The following COBL variants were observed in gnomAD, a reference collection of about 807,000 sequenced individuals.
COBL encodes protein cordon-bleu.
Under a neutral mutation model 98.8 loss-of-function variants are expected in COBL, and 51 were observed. That is an observed-to-expected ratio of 0.52 (90% CI 0.41 to 0.65). The LOEUF is 0.65. Among genes scored for constraint, COBL ranks in the 30% least tolerant of loss-of-function variants. The pLI is 0.00. For missense variants in COBL, 1,617 were observed against 1,617.5 expected, an observed-to-expected ratio of 1.00 and a Z score of 0.01; for synonymous variants, 634 against 651.7, an observed-to-expected ratio of 0.97 and a Z score of 0.41.
chr7:51,153,052 A>G (rs1785725139), intron 5 of COBL, among the ~76,000 whole-genome samples: 1 of 152,230 alleles, frequency 6.6e-6, no homozygotes, highest in South Asian at 2.1e-4. Context: ...TCGTAAGGTT[A>G]AATTCATACA....
At chr7:51,193,642 T>C in intron 2 of COBL, 53 bp from the exon 3 acceptor site, 2 of 1,525,040 alleles carry the variant, frequency 1.3e-6, no homozygotes, top group Non-Finnish European at 1.8e-6. Context: ...ACTCTCTCTT[T>C]TGCCTGGCTA....
chr7:51,106,167 G>A (rs1380119287), intron 6 of COBL, among the ~76,000 whole-genome samples: 1 of 135,608 alleles, frequency 7.4e-6, no homozygotes, highest in Non-Finnish European at 1.5e-5. Flanking sequence ...TCGTGCCATC[G>A]CACTCCAGCC....
At position 51,236,873 on chromosome 7, in the gene COBL, C is replaced by T. The variant is rs528372443; in HGVS notation, c.42-16929G>A. Reference sequence around the variant, plus strand: ...AACCCACCTCTGCCCTGTCTCCATCCTCCACTGCCCTCCCTCTGTAGCAGG... The same window carrying T: ...AACCCACCTCTGCCCTGTCTCCATCTTCCACTGCCCTCCCTCTGTAGCAGG... On this transcript the variant is annotated intron_variant, in intron 1 of 12. Transcript: ENST00000265136. 3.9e-5 allele frequency among the ~76,000 whole-genome samples: 6 copies of T among 152,340 alleles called. No individual in the cohort carries two copies. The South Asian group carries it at 1.2e-3, about 32-fold the overall frequency.
intron 1 of COBL, among the ~76,000 whole-genome samples, chr7:51,284,917 T>G (rs1448771153): frequency 6.6e-6 from 1 of 151,552 alleles, no homozygotes; most frequent in Non-Finnish European, 1.5e-5. Context: ...AGGAACAAGG[T>G]AAGAGTGTGT....
At chr7:51,186,870 A>G (rs1401811428) in intron 4 of COBL, among the ~76,000 whole-genome samples, 1 of 152,184 alleles carries the variant, frequency 6.6e-6, no homozygotes, top group Non-Finnish European at 1.5e-5. Context: ...AAATTTCCAG[A>G]GGCTGCCCAG....
chr7:51,178,044 G>C (rs1354132898), intron 5 of COBL, among the ~76,000 whole-genome samples: 2 of 152,042 alleles, frequency 1.3e-5, no homozygotes, highest in African/African-American at 4.8e-5. Context: ...TACTGCGGAG[G>C]CTGGAGCAGG....
At chr7:51,207,331 A>G (rs1791835745) in intron 2 of COBL, among the ~76,000 whole-genome samples, 1 of 152,106 alleles carries the variant, frequency 6.6e-6, no homozygotes, top group Admixed American at 6.6e-5. Context: ...TAGTGGGTAC[A>G]ATGTGTTACT....
intron 1 of COBL, among the ~76,000 whole-genome samples, chr7:51,307,420 C>A (rs1185855652): frequency 6.6e-6 from 1 of 152,078 alleles, no homozygotes; most frequent in Non-Finnish European, 1.5e-5. Flanking sequence ...CATCAGAGGG[C>A]CCTGATGGGA....
At chr7:51,257,412 C>G (rs1797291841) in intron 1 of COBL, among the ~76,000 whole-genome samples, 1 of 152,076 alleles carries the variant, frequency 6.6e-6, no homozygotes, top group Non-Finnish European at 1.5e-5. Flanking sequence ...GATAGCATAT[C>G]TAAAGAAAGT....
At chr7:51,311,721 G>A (rs1191605029) in intron 1 of COBL, among the ~76,000 whole-genome samples, 1 of 151,872 alleles carries the variant, frequency 6.6e-6, no homozygotes, top group East Asian at 1.9e-4. Flanking sequence ...ATAAAATGGG[G>A]GAGATGGAAA....
In COBL at chr7:51,177,448, G is replaced by A. The variant is rs140815259; in HGVS notation, c.783+6654C>T. Among the ~76,000 whole-genome samples, 3 of 152,208 alleles carry A rather than the reference G, an allele frequency of 2.0e-5. No homozygotes were observed. The East Asian group carries it at 5.8e-4, about 29-fold the overall frequency. On this transcript the variant is annotated intron_variant, in intron 5 of 12. Coordinates refer to ENST00000265136, the MANE Select transcript of COBL (RefSeq NM_015198.5). ...AAGAGAAACAATTTGTATCCAAAGA[G>A]CACAAGAAAAGTAAAATGCATTTTT...
Position 51,175,947 on chromosome 7 carries a change from C to T in COBL, c.783+8155G>A, listed in dbSNP as rs10224901. ...CGTTTTCCTGCCTTTTGGCACTACC[C>T]CCACGGGCAGCTTTTGTTTTCCTGT... On this transcript the variant is annotated intron_variant, in intron 5 of 12. Coordinates refer to ENST00000265136, the MANE Select transcript of COBL (RefSeq NM_015198.5). Among the ~76,000 whole-genome samples the T allele has an allele frequency of 9.6e-3, 1,464 of 152,294 alleles. 20 individuals are homozygous for T. Among genetic ancestry groups the T allele is most frequent in the African/African-American group, 0.033 (1,383 of 41,568 alleles).
chr7:51,018,641 C>T (rs887605671), intron 12 of COBL, among the ~76,000 whole-genome samples: 1 of 151,612 alleles, frequency 6.6e-6, no homozygotes, highest in Non-Finnish European at 1.5e-5. Context: ...ACCTGAAATC[C>T]CAGCACTTTG....
intron 7 of COBL, among the ~76,000 whole-genome samples, chr7:51,066,394 G>T (rs1437283890): frequency 1.3e-5 from 2 of 152,144 alleles, no homozygotes; most frequent in Admixed American, 1.3e-4. Flanking sequence ...ATATGAGCAG[G>T]GTTAGAGCCT....
chr7:51,035,175 A>G (rs1431275866), intron 8 of COBL: 1 of 152,214 alleles, frequency 6.6e-6, no homozygotes, highest in Non-Finnish European at 1.5e-5. Context: ...AGCCTCCAGC[A>G]AAAACGAGAA....
chr7:51,200,089 T>C (rs548322837), intron 2 of COBL, among the ~76,000 whole-genome samples: 4 of 152,240 alleles, frequency 2.6e-5, no homozygotes, highest in African/African-American at 7.2e-5. Context: ...AGCAGAAACC[T>C]TGCAGGCCAG....
chr7:51,091,134 G>C (rs1435639132), intron 6 of COBL, among the ~76,000 whole-genome samples: 1 of 152,026 alleles, frequency 6.6e-6, no homozygotes, highest in African/African-American at 2.4e-5. Context: ...AAATAACAAG[G>C]TACATGAAGA....
chr7:51,072,011 T>C (rs1017582340), intron 7 of COBL: 2 of 152,222 alleles, frequency 1.3e-5, no homozygotes, highest in Non-Finnish European at 2.9e-5. Flanking sequence ...AAATTGGTTA[T>C]ATATAGCTTT....
At chr7:51,129,218 G>A (rs2128998880) in intron 6 of COBL, among the ~76,000 whole-genome samples, 1 of 152,172 alleles carries the variant, frequency 6.6e-6, no homozygotes, top group South Asian at 2.1e-4. Context: ...TCACAGTTCT[G>A]GAGGCTGAAG....
Sources: allele counts gnomAD v4.1 joint callset (sites outside exome capture counted in the v4.1 genomes callset), GRCh38; gene constraint gnomAD v4.1.1; transcripts MANE v1.5; gene names NCBI Gene and HGNC (gene_info 2026-07-23, HGNC 2026-07-21).